Variants in HTT observed in about 807,000 individuals in gnomAD.
HTT encodes huntingtin, also known as huntington disease protein.
A neutral mutation model predicts 362.3 loss-of-function variants in HTT; 104 were observed. The ratio of observed to expected loss-of-function variants is 0.29; its 90% confidence interval spans 0.24 to 0.34. The LOEUF (loss-of-function observed/expected upper bound fraction) is 0.34, where lower values mean the gene tolerates loss of function less well. HTT is among the 10% of genes least tolerant of loss of function. The probability of loss-of-function intolerance (pLI) is 1.00; values close to 1 mark genes in which losing one functional copy is unlikely to be tolerated. For missense variants in HTT, 3,301 were observed against 3,928.6 expected, an observed-to-expected ratio of 0.84 and a Z score of 4.27; for synonymous variants, 1,577 against 1,548.7, an observed-to-expected ratio of 1.02 and a Z score of -0.43.
rs549969300 is a variant in HTT at position 3,157,993 on chromosome 4, T to G, written c.3753+794T>G. Among the ~76,000 whole-genome samples the G allele has an allele frequency of 2.1e-5, 3 of 146,068 alleles. No homozygotes were observed. In the East Asian group the frequency reaches 5.9e-4, roughly 29 times the overall value. ...TGCTCATCTATTAGAAGCATCCTTG[T>G]TTTTTTTTTTTCTTTTTTAGACAGA... On this transcript the variant is annotated intron_variant, in intron 28 of 66. Coordinates refer to ENST00000355072, the MANE Select transcript of HTT (RefSeq NM_001388492.1).
chr4:3,116,491 G>C (rs965818055), intron 8 of HTT, among the ~76,000 whole-genome samples: 3 of 152,166 alleles, frequency 2.0e-5, no homozygotes, highest in Admixed American at 2.0e-4. Context: ...TGTTACCTAA[G>C]CCTCTCAGAG....
rs1721476904 is a variant in HTT, at chr4:3,235,393, A to G, written c.8566A>G (p.Ile2856Val). The change falls in exon 62 of 67, where the codon ATA (isoleucine) becomes GTA (valine). Residue 2856 changes from isoleucine to valine, a missense_variant. Ile to Val is a conservative substitution (Grantham distance 29, BLOSUM62 3). Transcript: ENST00000355072. ...AGGGCCGGAATTTTCAGCATCAATA[A>G]TACAGGTGAGTGGGCCCTGGCTGTC... ...DVGPEFSASI[I>V]QMCGVMLSGS... 6.2e-7 allele frequency: 1 copy of G among 1,602,422 alleles called. No individual in the cohort carries two copies. Among genetic ancestry groups the G allele is most frequent in the South Asian group, 1.1e-5 (1 of 90,834 alleles).
chr4:3,108,596 T>C (rs988179074), intron 6 of HTT, among the ~76,000 whole-genome samples: 28 of 152,206 alleles, frequency 1.8e-4, no homozygotes, highest in Admixed American at 1.8e-3. Context: ...TTTTGTACTC[T>C]TAGTTCTCAT....
rs543296857 is a variant in HTT at position 3,126,990 on chromosome 4, C to T, written c.1403-274C>T. On this transcript the variant is annotated intron_variant, in intron 11 of 66. Transcript: ENST00000355072. ...TGCTCCAGCTAAGGCTTGGAGTAGT[C>T]GGTTAAGAACTTGAACTTCGGTTTT... is the stretch of plus-strand genomic sequence containing the variant. 5.9e-5 allele frequency among the ~76,000 whole-genome samples: 9 copies of T among 152,278 alleles called. No homozygotes were observed. In the South Asian group the frequency reaches 6.2e-4, roughly 11 times the overall value.
At chr4:3,194,216 C>T (rs1719145173) in intron 40 of HTT, among the ~76,000 whole-genome samples, 1 of 151,604 alleles carries the variant, frequency 6.6e-6, no homozygotes, top group African/African-American at 2.4e-5. Context: ...TTAAATAATA[C>T]CTGGTTCAGG....
Position 3,076,182 on chromosome 4 carries a change from C to T in HTT, c.263+1094C>T, listed in dbSNP as rs577752733. Among the ~76,000 whole-genome samples, 4 of 152,222 alleles carry T rather than the reference C, an allele frequency of 2.6e-5. No individual in the cohort carries two copies. The East Asian group carries it at 5.8e-4, about 22-fold the overall frequency. On this transcript the variant is annotated intron_variant, in intron 1 of 66. Coordinates refer to ENST00000355072, the MANE Select transcript of HTT (RefSeq NM_001388492.1). ...TTGTTCTTGGGGAGAATTTTTGAAA[C>T]AGGAAAAGAGAGACCATTAAAACAT...
At chr4:3,081,083 C>T (rs1262008287) in intron 1 of HTT, among the ~76,000 whole-genome samples, 1 of 152,144 alleles carries the variant, frequency 6.6e-6, no homozygotes, top group Non-Finnish European at 1.5e-5. Flanking sequence ...CTTGCATTTC[C>T]GTACGAATTG....
intron 37 of HTT, among the ~76,000 whole-genome samples, chr4:3,183,392 T>G (rs1718615966): frequency 6.6e-6 from 1 of 152,234 alleles, no homozygotes; most frequent in African/African-American, 2.4e-5. Context: ...CCAGAAAATC[T>G]CATGAGCTGC....
At chr4:3,215,819 C>T (rs1720370586) in intron 51 of HTT, among the ~76,000 whole-genome samples, 1 of 152,072 alleles carries the variant, frequency 6.6e-6, no homozygotes, top group Non-Finnish European at 1.5e-5. Flanking sequence ...AGGTATTTTA[C>T]TAGGAAAATG....
At chr4:3,090,315 T>C (rs9995782) in intron 2 of HTT, among the ~76,000 whole-genome samples, 2,990 of 152,324 alleles carry the variant, frequency 0.02, 56 homozygotes, top group Middle Eastern at 0.037. Context: ...TCTGGAAAAT[T>C]TGTTAAAAAT....
intron 2 of HTT, among the ~76,000 whole-genome samples, chr4:3,088,739 G>GTT (rs779372545): frequency 6.9e-6 from 1 of 145,396 alleles, no homozygotes. Flanking sequence ...CAGGATTTGT[G>GTT]TTTTTTTTTT....
intron 8 of HTT, among the ~76,000 whole-genome samples, chr4:3,118,986 A>G (rs1056918599): frequency 6.6e-6 from 1 of 152,270 alleles, no homozygotes; most frequent in East Asian, 1.9e-4. Flanking sequence ...TGGCCAAACT[A>G]TTAAGCAAGT....
chr4:3,105,465 T>C, intron 5 of HTT, 29 bp downstream of exon 5: 2 of 1,441,124 alleles, frequency 1.4e-6, no homozygotes, highest in Non-Finnish European at 9.8e-7. Flanking sequence ...ATGTTGGTTT[T>C]TGTCGGGGGC....
intron 21 of HTT, among the ~76,000 whole-genome samples, chr4:3,138,065 GTTCCTTCCTTCC>G (rs57986232): frequency 3.4e-4 from 49 of 145,498 alleles, no homozygotes; most frequent in African/African-American, 1.0e-3. Context: ...ACATACCATT[GTTCCTTCCTTCC>G]TTCCTTCCTT....
intron 2 of HTT, among the ~76,000 whole-genome samples, chr4:3,092,459 C>T (rs1428838196): frequency 1.3e-5 from 2 of 152,200 alleles, no homozygotes; most frequent in East Asian, 3.8e-4. Context: ...TCATAGCCCA[C>T]TGCAGCCTGA....
intron 2 of HTT, among the ~76,000 whole-genome samples, chr4:3,095,088 G>A (rs1019382559): frequency 1.1e-4 from 17 of 152,036 alleles, no homozygotes; most frequent in Non-Finnish European, 2.2e-4. Flanking sequence ...GACGATGGGC[G>A]GCCAGGCAGA....
chr4:3,216,991 C>G (rs1389132131), intron 51 of HTT, among the ~76,000 whole-genome samples: 1 of 150,748 alleles, frequency 6.6e-6, no homozygotes, highest in Non-Finnish European at 1.5e-5. Flanking sequence ...CGCCACTGCA[C>G]TCCAGCCTGG....
chr4:3,164,379 G>C (rs1369066624), intron 29 of HTT, among the ~76,000 whole-genome samples: 1 of 152,192 alleles, frequency 6.6e-6, no homozygotes, highest in Non-Finnish European at 1.5e-5. Context: ...GTGCAATGTG[G>C]TGCTGAGAAG....
chr4:3,204,245 C>T, intron 42 of HTT, 97 bp downstream of exon 42: 1 of 1,208,162 alleles, frequency 8.3e-7, no homozygotes, highest in East Asian at 2.3e-5. Flanking sequence ...GGAACCCAGA[C>T]CGCCCGGTGT....
Sources: gnomAD v4.1 joint callset for allele counts (sites outside exome capture counted in the v4.1 genomes callset) on GRCh38, gnomAD v4.1.1 for gene constraint, MANE v1.5 for transcripts, NCBI Gene and HGNC (gene_info 2026-07-23, HGNC 2026-07-21) for gene names.